The following RGPD8 variants were observed in gnomAD, a reference collection of about 807,000 sequenced individuals.
RGPD8 encodes RANBP2-like and GRIP domain-containing protein 8.
RGPD8 carries 15 observed loss-of-function variants against 89.1 expected under a neutral mutation model. That is an observed-to-expected ratio of 0.17 (90% CI 0.11 to 0.26). The LOEUF (loss-of-function observed/expected upper bound fraction) is 0.26. RGPD8 is among the 10% of genes least tolerant of loss of function. The pLI is 1.00. For missense variants in RGPD8, 178 were observed against 1,179.6 expected (o/e 0.15, Z 12.44); for synonymous variants, 62 against 420.9 (o/e 0.15, Z 10.44).
At chr2:112,410,772 G>A (rs1219845896) in intron 7 of RGPD8, among the ~76,000 whole-genome samples, 18 of 151,686 alleles carry the variant, frequency 1.2e-4, no homozygotes, top group East Asian at 1.9e-4. Context: ...GCGAGACTCC[G>A]TCTCAAATAA....
At chr2:112,377,334 T>C (rs1678151218) in intron 22 of RGPD8, among the ~76,000 whole-genome samples, 1 of 100,998 alleles carries the variant, frequency 9.9e-6, no homozygotes, top group Admixed American at 1.1e-4. Flanking sequence ...CAGGCTGGAG[T>C]ACAGTGGCGT....
At chr2:112,416,088 C>CAAAAAAAAA (rs1168507298) in intron 6 of RGPD8, among the ~76,000 whole-genome samples, 48 of 88,896 alleles carry the variant, frequency 5.4e-4, no homozygotes, top group Admixed American at 5.6e-4. Flanking sequence ...GACTCCATCT[C>CAAAAAAAAA]AAAAAAAAAA....
chr2:112,433,202 C>T (rs1680133032), intron 1 of RGPD8, among the ~76,000 whole-genome samples, 180 bp downstream of exon 1: 2 of 140,582 alleles, frequency 1.4e-5, no homozygotes, highest in South Asian at 4.4e-4. Flanking sequence ...GAGCCATGAC[C>T]CCTGACCCAT....
At chr2:112,419,356 TGGC>T (rs1212483589) in intron 4 of RGPD8, among the ~76,000 whole-genome samples, 58 of 123,412 alleles carry the variant, frequency 4.7e-4, no homozygotes, top group Non-Finnish European at 8.8e-4. Flanking sequence ...GATGAAACCC[TGGC>T]CTCTCCCTAT....
intron 4 of RGPD8, among the ~76,000 whole-genome samples, chr2:112,419,404 A>AT (rs1182577230): frequency 2.3e-5 from 3 of 129,608 alleles, no homozygotes; most frequent in Non-Finnish European, 4.8e-5. Context: ...TATGTTAAAC[A>AT]TTTTTTTAAA....
At chr2:112,414,520 GC>G (rs1481789155) in intron 6 of RGPD8, among the ~76,000 whole-genome samples, 2 of 113,252 alleles carry the variant, frequency 1.8e-5, no homozygotes, top group Non-Finnish European at 3.6e-5. Flanking sequence ...ACACAATAGG[GC>G]TTATTACATT....
intron 1 of RGPD8, among the ~76,000 whole-genome samples, chr2:112,432,941 CCAT>C (rs1680114685): frequency 1.4e-5 from 2 of 144,748 alleles, no homozygotes; most frequent in Non-Finnish European, 3.1e-5. Flanking sequence ...GACCCCTGAC[CCAT>C]CGAGGCCGCC....
intron 1 of RGPD8, among the ~76,000 whole-genome samples, chr2:112,430,893 G>A (rs984373360): frequency 1.3e-5 from 2 of 152,122 alleles, no homozygotes; most frequent in Non-Finnish European, 1.5e-5. Context: ...GGACGTCAAC[G>A]CTGCAGTGAG....
At chr2:112,426,846 A>C (rs1679792010) in intron 1 of RGPD8, among the ~76,000 whole-genome samples, 1 of 116,892 alleles carries the variant, frequency 8.6e-6, no homozygotes, top group Non-Finnish European at 1.8e-5. Flanking sequence ...TTTTTTTTTG[A>C]GATGGAGTCT....
intron 1 of RGPD8, among the ~76,000 whole-genome samples, chr2:112,425,697 T>A (rs1403528807): frequency 5.4e-5 from 8 of 147,638 alleles, no homozygotes; most frequent in Non-Finnish European, 1.2e-4. Flanking sequence ...AGGCAGAGGC[T>A]GCAGTGGGCC....
Position 112,387,825 on chromosome 2 carries a change from A to C in RGPD8, c.4921+199T>G, listed in dbSNP as rs576744412. Among the ~76,000 whole-genome samples, 78 of 146,150 alleles carry C rather than the reference A, an allele frequency of 5.3e-4. 9 individuals are homozygous for C. Among genetic ancestry groups the C allele is most frequent in the Admixed American group, 1.4e-3 (20 of 14,664 alleles). ...ATAGAAGTATCTTCCAGTTACTGAA[A>C]TGTCTTTAACTAAGTTCTCTTGCTC... On this transcript the variant is annotated intron_variant, in intron 20 of 22. Coordinates refer to ENST00000302558, the MANE Select transcript of RGPD8 (RefSeq NM_001164463.1).
intron 6 of RGPD8, among the ~76,000 whole-genome samples, chr2:112,413,206 C>T (rs930305700): frequency 2.8e-5 from 4 of 143,656 alleles, no homozygotes; most frequent in Admixed American, 6.8e-5. Context: ...CTGCAACCTC[C>T]ACCTCCCAGG....
intron 1 of RGPD8, among the ~76,000 whole-genome samples, chr2:112,429,525 A>C (rs1357941494): frequency 2.6e-5 from 4 of 151,936 alleles, no homozygotes; most frequent in Admixed American, 2.0e-4. Context: ...TATGAAGTAT[A>C]GATGTAAAGG....
rs28667412 is a variant in RGPD8 at position 112,432,795 on chromosome 2, C to T, written c.72+587G>A. Among the ~76,000 whole-genome samples the T allele has an allele frequency of 1.5e-3, 221 of 152,302 alleles. 1 individual carries two copies. In the Middle Eastern group the frequency reaches 0.017, roughly 12 times the overall value. Reference sequence around the variant, plus strand: ...AACCGGGAGAAAGAGGAAGAGCCGGCGCCAAAGGTCTCCCGCCCGCCGCGG... The same window carrying T: ...AACCGGGAGAAAGAGGAAGAGCCGGTGCCAAAGGTCTCCCGCCCGCCGCGG... On this transcript the variant is annotated intron_variant, in intron 1 of 22. Coordinates refer to ENST00000302558, the MANE Select transcript of RGPD8 (RefSeq NM_001164463.1).
intron 6 of RGPD8, among the ~76,000 whole-genome samples, chr2:112,414,198 C>A (rs1392019297): frequency 4.3e-5 from 6 of 140,612 alleles, no homozygotes; most frequent in Non-Finnish European, 9.2e-5. Context: ...ATTATTGGCC[C>A]TGCGCAGTGG....
At chr2:112,430,153 G>A (rs548759558) in intron 1 of RGPD8, among the ~76,000 whole-genome samples, 1 of 152,250 alleles carries the variant, frequency 6.6e-6, no homozygotes, top group African/African-American at 2.4e-5. Flanking sequence ...TGGAAGACTA[G>A]AAAGATATGA....
intron 20 of RGPD8, among the ~76,000 whole-genome samples, chr2:112,387,342 G>A (rs941162586): frequency 8.9e-6 from 1 of 112,984 alleles, no homozygotes; most frequent in Non-Finnish European, 1.9e-5. Flanking sequence ...TCAATATCAT[G>A]TTTTTTTTTG....
intron 1 of RGPD8, chr2:112,432,451 C>T (rs1680083686): frequency 1.0e-6 from 1 of 970,178 alleles, no homozygotes; most frequent in Non-Finnish European, 1.2e-6. Flanking sequence ...GCGACAAACA[C>T]CTCATACTCA....
intron 2 of RGPD8, among the ~76,000 whole-genome samples, chr2:112,423,672 C>G (rs1679634019): frequency 6.8e-6 from 1 of 146,196 alleles, no homozygotes; most frequent in Admixed American, 6.9e-5. Context: ...CCAGCTGCTG[C>G]ACTCCAGCCG....
Sources: allele counts gnomAD v4.1 joint callset (sites outside exome capture counted in the v4.1 genomes callset), GRCh38; gene constraint gnomAD v4.1.1; transcripts MANE v1.5; gene names NCBI Gene and HGNC (gene_info 2026-07-23, HGNC 2026-07-21).